SGCZ: variants seen among roughly 807,000 people sequenced by gnomAD.
SGCZ encodes sarcoglycan zeta.
In SGCZ, 40 loss-of-function variants were observed where a neutral mutation model predicts 41.3. That is an observed-to-expected ratio of 0.97 (90% CI 0.75 to 1.26). SGCZ has a LOEUF of 1.26. SGCZ is among the 50% of genes most tolerant of loss of function. The pLI is 0.00. For missense variants in SGCZ, 552 were observed against 369.8 expected, an observed-to-expected ratio of 1.49 and a Z score of -4.04; for synonymous variants, 206 against 137.5, an observed-to-expected ratio of 1.50 and a Z score of -3.49.
chr8:14,218,799 G>A (rs1175354275), intron 4 of SGCZ, among the ~76,000 whole-genome samples: 3 of 152,188 alleles, frequency 2.0e-5, no homozygotes, highest in Non-Finnish European at 4.4e-5. Context: ...TCCAGGAACC[G>A]TTAATGAATG....
rs555917934 is a variant in SGCZ, at chr8:15,201,366, G to A, written c.39+36219C>T. Among the ~76,000 whole-genome samples, 10 of 152,246 alleles carry A rather than the reference G, an allele frequency of 6.6e-5. No homozygotes were observed. The East Asian group carries it at 1.4e-3, about 21-fold the overall frequency. On this transcript the variant is annotated intron_variant, in intron 1 of 7. Transcript: ENST00000382080. The stretch of plus-strand genomic sequence containing the variant: ...AGAGAAGATACACCAGGTACCTGCC[G>A]ATGACTCATAGTTTGCTTCCTATTT...
chr8:14,120,931 C>T (rs193005982), intron 5 of SGCZ, among the ~76,000 whole-genome samples: 5 of 152,176 alleles, frequency 3.3e-5, no homozygotes, highest in East Asian at 1.9e-4. Context: ...CAAGCTGATT[C>T]TAAATCTCTA....
chr8:14,109,401 C>A (rs965020996), intron 5 of SGCZ, among the ~76,000 whole-genome samples: 1 of 152,006 alleles, frequency 6.6e-6, no homozygotes, highest in Admixed American at 6.6e-5. Flanking sequence ...TTGAGAAAAT[C>A]TTTTCTGTAA....
At chr8:14,359,296 CCT>C (rs1803417391) in intron 2 of SGCZ, among the ~76,000 whole-genome samples, 1 of 152,038 alleles carries the variant, frequency 6.6e-6, no homozygotes, top group Non-Finnish European at 1.5e-5. Context: ...ACTTCAACAC[CCT>C]GTGTTCACAT....
chr8:14,891,817 C>T (rs2130743431), intron 1 of SGCZ, among the ~76,000 whole-genome samples: 1 of 152,296 alleles, frequency 6.6e-6, no homozygotes, highest in South Asian at 2.1e-4. Flanking sequence ...GCAACCATCA[C>T]CCTCATCAGT....
At chr8:15,055,085 T>G (rs1804657284) in intron 1 of SGCZ, among the ~76,000 whole-genome samples, 11 of 152,130 alleles carry the variant, frequency 7.2e-5, no homozygotes. Flanking sequence ...GTGCCATCCT[T>G]GTGGTAGGGT....
At chr8:14,524,632 A>G (rs994646248) in intron 2 of SGCZ, among the ~76,000 whole-genome samples, 3 of 152,156 alleles carry the variant, frequency 2.0e-5, no homozygotes, top group African/African-American at 7.2e-5. Context: ...TCAAACCTAA[A>G]GCACACATAT....
chr8:14,133,768 T>C (rs207468959), intron 5 of SGCZ, among the ~76,000 whole-genome samples: 1 of 152,216 alleles, frequency 6.6e-6, no homozygotes. Context: ...TTAATGCTTC[T>C]TTAGGAGGAT....
intron 1 of SGCZ, among the ~76,000 whole-genome samples, chr8:14,643,637 T>G (rs1434018651): frequency 1.3e-5 from 2 of 151,628 alleles, no homozygotes; most frequent in Non-Finnish European, 3.0e-5. Context: ...TATTGATAGA[T>G]AAATTATATT....
At chr8:14,106,322 A>G (rs1802201945) in intron 6 of SGCZ, among the ~76,000 whole-genome samples, 1 of 152,214 alleles carries the variant, frequency 6.6e-6, no homozygotes, top group Admixed American at 6.5e-5. Flanking sequence ...AGAGCCATAA[A>G]TGAAGACCGT....
chr8:14,342,720 T>C (rs927871316), intron 2 of SGCZ, among the ~76,000 whole-genome samples: 1 of 152,166 alleles, frequency 6.6e-6, no homozygotes, highest in East Asian at 1.9e-4. Context: ...TTGGAAATTA[T>C]GCAGGCTGAT....
chr8:14,217,568 G>C (rs567023431), intron 4 of SGCZ, among the ~76,000 whole-genome samples: 2 of 133,446 alleles, frequency 1.5e-5, no homozygotes, highest in Admixed American at 1.5e-4. Flanking sequence ...AACAAAAAAA[G>C]CACATGATGA....
intron 1 of SGCZ, among the ~76,000 whole-genome samples, chr8:14,660,768 A>AAAG (rs889269616): frequency 2.0e-5 from 3 of 152,038 alleles, no homozygotes; most frequent in African/African-American, 7.2e-5. Context: ...TTCTCAAAAT[A>AAAG]AAGAAGAAAC....
At chr8:14,761,712 GAC>G (rs1412899462) in intron 1 of SGCZ, among the ~76,000 whole-genome samples, 1 of 151,676 alleles carries the variant, frequency 6.6e-6, no homozygotes, top group African/African-American at 2.4e-5. Context: ...TTTTAGTAGA[GAC>G]AGAGTTTCAC....
intron 3 of SGCZ, among the ~76,000 whole-genome samples, chr8:14,254,789 A>C (rs1799404946): frequency 6.6e-6 from 1 of 152,090 alleles, no homozygotes; most frequent in African/African-American, 2.4e-5. Context: ...TGTGAGATTC[A>C]TTATTCTAAA....
Position 14,486,910 on chromosome 8 carries a change from G to C in SGCZ, c.234+67822C>G, listed in dbSNP as rs577085989. ...CATACATCTCTCATGGAATCTAACA[G>C]AATCCTGAACATTGGAACAGAGTAA... is the stretch of plus-strand genomic sequence containing the variant. On this transcript the variant is annotated intron_variant, in intron 2 of 7. Coordinates refer to ENST00000382080, the MANE Select transcript of SGCZ (RefSeq NM_139167.4). 2.0e-5 allele frequency among the ~76,000 whole-genome samples: 3 copies of C among 152,264 alleles called. No individual in the cohort carries two copies. In the South Asian group the frequency reaches 6.2e-4, roughly 32 times the overall value.
At chr8:14,659,845 G>A (rs1380894235) in intron 1 of SGCZ, among the ~76,000 whole-genome samples, 1 of 152,150 alleles carries the variant, frequency 6.6e-6, no homozygotes, top group African/African-American at 2.4e-5. Flanking sequence ...TTTCAAGTCA[G>A]GATGAGATCA....
chr8:14,112,283 T>TTGGGG (rs1251785331), intron 5 of SGCZ, among the ~76,000 whole-genome samples: 1 of 113,804 alleles, frequency 8.8e-6, no homozygotes, highest in African/African-American at 3.2e-5. Flanking sequence ...TTTTTTTTTG[T>TTGGGG]GGGGGGGGGG....
At chr8:14,258,589 A>C (rs1799546749) in intron 3 of SGCZ, among the ~76,000 whole-genome samples, 1 of 152,186 alleles carries the variant, frequency 6.6e-6, no homozygotes. Context: ...ATTAAGTAAA[A>C]TTATATTGAA....
Sources: gnomAD v4.1 joint callset for allele counts (sites outside exome capture counted in the v4.1 genomes callset) on GRCh38, gnomAD v4.1.1 for gene constraint, MANE v1.5 for transcripts, NCBI Gene and HGNC (gene_info 2026-07-23, HGNC 2026-07-21) for gene names.